The following TTC7A variants were observed in gnomAD, a reference collection of about 807,000 sequenced individuals.
TTC7A encodes tetratricopeptide repeat domain 7A.
TTC7A carries 110 observed loss-of-function variants against 103.7 expected under a neutral mutation model. That is an observed-to-expected ratio of 1.06 (90% CI 0.91 to 1.24). The LOEUF (loss-of-function observed/expected upper bound fraction) is 1.24, where lower values mean the gene tolerates loss of function less well. Among genes scored for constraint, TTC7A ranks in the 50% most tolerant of loss-of-function variants. The pLI is 0.00. For missense variants in TTC7A, 1,340 were observed against 1,116.3 expected (o/e 1.20, Z -2.86); for synonymous variants, 521 against 467.9 (o/e 1.11, Z -1.47).
intron 2 of TTC7A, among the ~76,000 whole-genome samples, chr2:46,930,540 C>T (rs1669639818): frequency 6.7e-6 from 1 of 149,890 alleles, no homozygotes; most frequent in Non-Finnish European, 1.5e-5. Context: ...ACTCTTGTAC[C>T]CCAGGCTGGA....
intron 5 of TTC7A, among the ~76,000 whole-genome samples, chr2:46,985,981 G>T (rs1674969872): frequency 6.6e-6 from 1 of 152,186 alleles, no homozygotes. Flanking sequence ...CCACCCACTA[G>T]ATGCCAGGAG....
chr2:46,987,509 T>C (rs933886425), intron 5 of TTC7A, among the ~76,000 whole-genome samples: 1 of 152,186 alleles, frequency 6.6e-6, no homozygotes, highest in Non-Finnish European at 1.5e-5. Context: ...ACTCTGCTCC[T>C]TTACCCAGAG....
Position 47,051,797 on chromosome 2 carries a change from C to A in TTC7A, c.2069C>A (p.Ser690Ter), listed in dbSNP as rs772760100. The A allele has an allele frequency of 6.2e-7, 1 of 1,611,814 alleles. No homozygotes were observed. Among genetic ancestry groups the A allele is most frequent in the Admixed American group, 1.7e-5 (1 of 60,016 alleles). The change falls in exon 18 of 20, where the codon TCA becomes TAA. Residue 690 changes from serine to a stop codon, truncating the protein, a stop_gained. Transcript: ENST00000319190. LOFTEE classifies it high-confidence loss of function. ...IAASRLEEAM[S>*]ELTMPSSVLK... ...GCCTCCCGGCTGGAGGAGGCCATGT[C>A]AGAGCTGACTATGCCCTCTTCGGTC...
intron 3 of TTC7A, among the ~76,000 whole-genome samples, chr2:46,958,909 A>G (rs1378320577): frequency 1.3e-5 from 2 of 152,194 alleles, no homozygotes; most frequent in Non-Finnish European, 2.9e-5. Context: ...CAGGGGCCAC[A>G]GAGTTCACAG....
In TTC7A at chr2:46,941,969, A is replaced by G. The variant is rs1670452273; in HGVS notation, c.184+244A>G. ...CTGTGTCCTTTAGGATAATGTGGCT[A>G]ACTCTGTCTACCGTGAAATGGTGGT... On this transcript the variant is annotated intron_variant, in intron 1 of 19. Transcript: ENST00000319190. The surrounding 1 kb of genome is among the most constrained non-coding windows in gnomAD (Gnocchi z 4.2). 3 of 587,676 alleles carry G rather than the reference A, an allele frequency of 5.1e-6. No individual in the cohort carries two copies. Among genetic ancestry groups the G allele is most frequent in the Non-Finnish European group, 9.1e-6 (3 of 330,018 alleles). 36.4% of individuals were successfully genotyped at this position (587,676 alleles called of 1,614,324 possible). A position where few individuals can be genotyped will look rare whatever the true frequency, so the allele number is the denominator to read the frequency against.
At position 46,992,494 on chromosome 2, in the gene TTC7A, C is replaced by T. The variant is rs115323047; in HGVS notation, c.765-956C>T. Among the ~76,000 whole-genome samples, 642 of 152,270 alleles carry T rather than the reference C, an allele frequency of 4.2e-3. 3 individuals are homozygous for T. Among genetic ancestry groups the T allele is most frequent in the African/African-American group, 0.015 (616 of 41,552 alleles). On this transcript the variant is annotated intron_variant, in intron 5 of 19. Coordinates refer to ENST00000319190, the MANE Select transcript of TTC7A (RefSeq NM_020458.4). ...CAGTGCCGAGACTTGATATAGGGGA[C>T]TGCGGTCATTCAGAAAGGACTTGCT...
At chr2:47,025,450 T>G (rs1354590057) in intron 14 of TTC7A, among the ~76,000 whole-genome samples, 2 of 152,178 alleles carry the variant, frequency 1.3e-5, no homozygotes, top group African/African-American at 2.4e-5. Flanking sequence ...TTATGGTCAC[T>G]TCGGCGGGCT....
At chr2:47,044,447 G>C (rs139297825) in intron 15 of TTC7A, among the ~76,000 whole-genome samples, 3 of 152,212 alleles carry the variant, frequency 2.0e-5, no homozygotes, top group Non-Finnish European at 4.4e-5. Flanking sequence ...GTTGTCCCCA[G>C]CAGTTGCCCA....
At chr2:46,948,205 AG>A (rs1339139960) in intron 1 of TTC7A, among the ~76,000 whole-genome samples, 2 of 152,144 alleles carry the variant, frequency 1.3e-5, no homozygotes, top group East Asian at 1.9e-4. Context: ...CAGCATCCTG[AG>A]GGGTGTGTTT....
rs560482913 is a variant in TTC7A, at chr2:46,960,805, G to A, written c.517+3798G>A. ...AGCTTGTGTCCCACCTGTAACAGAG[G>A]AGCCCACCAGAGGGTGCTGGGAGGC... On this transcript the variant is annotated intron_variant, in intron 3 of 19. Coordinates refer to ENST00000319190, the MANE Select transcript of TTC7A (RefSeq NM_020458.4). Among the ~76,000 whole-genome samples, 83 of 152,192 alleles carry A rather than the reference G, an allele frequency of 5.5e-4. No individual in the cohort carries two copies. In the South Asian group the frequency reaches 0.016, roughly 30 times the overall value.
chr2:47,018,012 C>T (rs372692660), intron 11 of TTC7A, among the ~76,000 whole-genome samples: 36 of 152,292 alleles, frequency 2.4e-4, no homozygotes, highest in African/African-American at 8.2e-4. Context: ...TGCAGTGGCT[C>T]ACTCCTGTAA....
intron 18 of TTC7A, among the ~76,000 whole-genome samples, chr2:47,056,698 G>C (rs577209130): frequency 3.3e-5 from 5 of 152,348 alleles, no homozygotes; most frequent in South Asian, 2.1e-4. Context: ...GTAGCCTGCC[G>C]AGAGAAAGCA....
At chr2:47,069,447 G>T (rs1381102177) in intron 19 of TTC7A, among the ~76,000 whole-genome samples, 1 of 152,176 alleles carries the variant, frequency 6.6e-6, no homozygotes, top group Non-Finnish European at 1.5e-5. Flanking sequence ...TGGGCTCCTT[G>T]TGAGTCTGGG....
chr2:47,030,815 C>T (rs374330057), intron 15 of TTC7A, among the ~76,000 whole-genome samples: 58 of 152,266 alleles, frequency 3.8e-4, no homozygotes, highest in African/African-American at 1.3e-3. Flanking sequence ...TGTTCGTGGC[C>T]GGCCCTGATT....
At chr2:47,035,667 A>T (rs1423559480) in intron 15 of TTC7A, 1 of 152,208 alleles carries the variant, frequency 6.6e-6, no homozygotes, top group Non-Finnish European at 1.5e-5. Flanking sequence ...AGGAACATAG[A>T]TACTTTCAGG....
intron 3 of TTC7A, among the ~76,000 whole-genome samples, chr2:46,965,716 CA>C (rs1558516552): frequency 6.6e-6 from 1 of 152,132 alleles, no homozygotes; most frequent in East Asian, 1.9e-4. Context: ...CACGTACTAC[CA>C]TACCCTGCTA....
intron 10 of TTC7A, among the ~76,000 whole-genome samples, chr2:47,010,183 G>C (rs1677887920): frequency 1.3e-5 from 2 of 152,106 alleles, no homozygotes; most frequent in South Asian, 4.1e-4. Context: ...GGGGTCTCCA[G>C]ACTCTTTTCT....
chr2:46,941,621 A>G lies in TTC7A; in HGVS notation c.80A>G (p.Asp27Gly). The G allele has an allele frequency of 6.4e-7, 1 of 1,555,932 alleles. No individual in the cohort carries two copies. Among genetic ancestry groups the G allele is most frequent in the Non-Finnish European group, 8.7e-7 (1 of 1,150,328 alleles). ...CGCTGCCGCGCCGAGGGCCACTGGG[A>G]CCGCATGCCGGAGCTGGTCCGGCAG... Reference protein sequence around the residue: ...LERCRAEGHWDRMPELVRQLQ... With the variant: ...LERCRAEGHWGRMPELVRQLQ... Residue 27 changes from aspartate to glycine, a missense_variant, in exon 1 of 20, where the codon GAC becomes GGC. Coordinates refer to ENST00000319190, the MANE Select transcript of TTC7A (RefSeq NM_020458.4). This position sits in a 1 kb window ranked among gnomAD's most constrained non-coding sequence, Gnocchi z 4.2.
chr2:47,007,686 G>T lies in TTC7A; in HGVS notation c.1287+962G>T, dbSNP rs57259036. ...AGCCGAGGCAGGCCAGGCCCTGGCA[G>T]GGAGGGGGAAGAGGAGCAGGTGCTG... is the stretch of plus-strand genomic sequence containing the variant. On this transcript the variant is annotated intron_variant, in intron 10 of 19. Transcript: ENST00000319190. The surrounding 1 kb of genome is among the most constrained non-coding windows in gnomAD (Gnocchi z 4.9). Among the ~76,000 whole-genome samples, 1 of 152,196 alleles carries T rather than the reference G, an allele frequency of 6.6e-6. No individual in the cohort carries two copies. Among genetic ancestry groups the T allele is most frequent in the Admixed American group, 6.5e-5 (1 of 15,292 alleles).
Sources: gnomAD v4.1 joint callset for allele counts (sites outside exome capture counted in the v4.1 genomes callset) on GRCh38, gnomAD v4.1.1 for gene constraint, Gnocchi (gnomAD v3.1) non-coding constraint, MANE v1.5 for transcripts, NCBI Gene and HGNC (gene_info 2026-07-23, HGNC 2026-07-21) for gene names.